The following SAV1 variants were observed in gnomAD, a reference collection of about 807,000 sequenced individuals.
SAV1 encodes salvador family WW domain containing protein 1, also known as protein salvador homolog 1.
SAV1 carries 23 observed loss-of-function variants against 47.3 expected under a neutral mutation model. That is an observed-to-expected ratio of 0.49 (90% confidence interval 0.35 to 0.69). The LOEUF (loss-of-function observed/expected upper bound fraction) is 0.69, where lower values mean the gene tolerates loss of function less well. Ranked by LOEUF, SAV1 falls within the 30% of genes least tolerant of loss-of-function variation. The probability of loss-of-function intolerance (pLI) is 0.01; values close to 1 mark genes in which losing one functional copy is unlikely to be tolerated. For synonymous variants in SAV1, 155 were observed against 159.2 expected (o/e 0.97, Z 0.20); for missense variants, 448 against 457.4 (o/e 0.98, Z 0.19).
In SAV1 at chr14:50,665,598, C is replaced by T. The variant is rs1191145054; in HGVS notation, c.116G>A (p.Arg39Gln). 2.5e-6 allele frequency: 4 copies of T among 1,608,642 alleles called. No individual in the cohort carries two copies. Among genetic ancestry groups the T allele is most frequent in the East Asian group, 2.2e-5 (1 of 44,808 alleles). The change falls in exon 2 of 5, where the codon CGG becomes CAG. Residue 39 changes from arginine (R) to glutamine (Q), a missense_variant. By Grantham distance (43) the Arg-to-Gln change is conservative. Transcript: ENST00000324679. ...LLRNLMPSFI[R>Q]HGPTIPRRTD... The stretch of plus-strand genomic sequence containing the variant: ...TCGTCTTGGAATTGTTGGACCATGC[C>T]GGATGAATGAAGGCATAAGATCTAC...
intron 2 of SAV1, among the ~76,000 whole-genome samples, chr14:50,651,828 A>G (rs993936398): frequency 6.6e-6 from 1 of 152,230 alleles, no homozygotes; most frequent in East Asian, 1.9e-4. Context: ...ACAGGGTCTC[A>G]CTATGTTGCC....
intron 2 of SAV1, among the ~76,000 whole-genome samples, chr14:50,650,196 C>G (rs1164219469): frequency 6.6e-6 from 1 of 152,170 alleles, no homozygotes; most frequent in East Asian, 1.9e-4. Flanking sequence ...ATACAACATA[C>G]AATGCATATG....
chr14:50,667,354 G>A (rs1447125254), intron 1 of SAV1: 6 of 451,738 alleles, frequency 1.3e-5, no homozygotes, highest in Non-Finnish European at 2.7e-5. Context: ...TTGGGTGGCG[G>A]CTACAAGAAC....
intron 4 of SAV1, among the ~76,000 whole-genome samples, chr14:50,635,811 G>A (rs557145450): frequency 3.3e-5 from 5 of 152,298 alleles, no homozygotes; most frequent in Non-Finnish European, 7.3e-5. Context: ...CCGGGTTCAA[G>A]CAATTCTCCT....
intron 2 of SAV1, among the ~76,000 whole-genome samples, chr14:50,651,908 A>G (rs1242987286): frequency 6.6e-6 from 1 of 152,230 alleles, no homozygotes; most frequent in East Asian, 1.9e-4. Context: ...CTAGGATTAC[A>G]GGCATGCGCC....
rs779841279 is a variant in SAV1, at chr14:50,668,065, C to T, written c.-98G>A. ...CCGCCACCTCCGCCGGCGCCGCCGC[C>T]TCCTTCCCTCCCGAGCCGCCGCCTC... On this transcript the variant is annotated 5_prime_UTR_variant, in exon 1 of 5. Coordinates refer to ENST00000324679, the MANE Select transcript of SAV1 (RefSeq NM_021818.4). 20 of 819,198 alleles carry T rather than the reference C, an allele frequency of 2.4e-5. No homozygotes were observed. The highest frequency in any genetic ancestry group is 3.3e-5 in the Non-Finnish European group (20 of 599,912). The allele number at this position is 819,198 out of a possible 1,614,324, so 50.7% of individuals were successfully genotyped here.
chr14:50,659,188 G>T (rs1248257981), intron 2 of SAV1, among the ~76,000 whole-genome samples: 1 of 151,044 alleles, frequency 6.6e-6, no homozygotes, highest in Admixed American at 6.6e-5. Context: ...CCTGGGATGA[G>T]ACTTCGAAGG....
chr14:50,668,262 CCAG>C lies in SAV1; in HGVS notation c.-298_-296del. On this transcript the variant is annotated 5_prime_UTR_variant, in exon 1 of 5. Transcript: ENST00000324679. ...AAAGCCCAGCGACGCCGGGCCAGGG[CCAG>C]GGCCATGGTCCGCCGCGGGCCGCCG... 1 of 190,860 alleles carries C rather than the reference CCAG, an allele frequency of 5.2e-6. No individual in the cohort carries two copies. Among genetic ancestry groups the C allele is most frequent in the Non-Finnish European group, 1.1e-5 (1 of 93,910 alleles). The allele number at this position is 190,860 out of a possible 1,614,324, so 11.8% of individuals were successfully genotyped here.
At chr14:50,666,494 A>G (rs570315966) in intron 1 of SAV1, among the ~76,000 whole-genome samples, 26 of 152,318 alleles carry the variant, frequency 1.7e-4, no homozygotes, top group Admixed American at 3.3e-4. Context: ...TAAGCTTCAG[A>G]AACTAACACT....
At chr14:50,667,525 T>A (rs1326843682) in intron 1 of SAV1, 2 of 478,192 alleles carry the variant, frequency 4.2e-6, no homozygotes, top group Admixed American at 4.7e-5. Context: ...AGTGTCCCTG[T>A]CTAATTACTT....
intron 2 of SAV1, among the ~76,000 whole-genome samples, chr14:50,653,618 C>G (rs1471559276): frequency 7.9e-5 from 12 of 152,148 alleles, no homozygotes; most frequent in Admixed American, 3.9e-4. Flanking sequence ...CACCTGTAAT[C>G]CCAGCACTTT....
chr14:50,660,374 C>T (rs1303444986), intron 2 of SAV1, among the ~76,000 whole-genome samples: 2 of 152,170 alleles, frequency 1.3e-5, no homozygotes, highest in Non-Finnish European at 2.9e-5. Flanking sequence ...TACTCAGCTG[C>T]CTTGCAATAA....
At position 50,645,571 on chromosome 14, in the gene SAV1, T is replaced by TA. The variant is rs578119398; in HGVS notation, c.536-558dup. Reference sequence around the variant, plus strand: ...TTATGTACATACAAATATTCCAAAATAAAAAAAAAAATCCAAAATCTCAAA... The same window carrying TA: ...TTATGTACATACAAATATTCCAAAATAAAAAAAAAAAATCCAAAATCTCAAA... On this transcript the variant is annotated intron_variant, in intron 2 of 4. Transcript: ENST00000324679. 2.3e-3 allele frequency among the ~76,000 whole-genome samples: 340 copies of TA among 146,028 alleles called. 1 individual carries two copies. Among genetic ancestry groups the TA allele is most frequent in the African/African-American group, 6.4e-3 (255 of 39,974 alleles).
At chr14:50,667,838 T>A in intron 1 of SAV1, 36 bp downstream of exon 1, 1 of 1,573,428 alleles carries the variant, frequency 6.4e-7, no homozygotes, top group Non-Finnish European at 8.7e-7. Flanking sequence ...CCTGGCCGCC[T>A]GGGCCAGGTG....
intron 4 of SAV1, among the ~76,000 whole-genome samples, chr14:50,638,719 A>T (rs2039657540): frequency 6.6e-6 from 1 of 152,318 alleles, no homozygotes; most frequent in South Asian, 2.1e-4. Flanking sequence ...AATAACAGAA[A>T]GTAAATATGT....
At chr14:50,659,719 G>A (rs888160420) in intron 2 of SAV1, among the ~76,000 whole-genome samples, 4 of 152,172 alleles carry the variant, frequency 2.6e-5, no homozygotes, top group Admixed American at 2.0e-4. Flanking sequence ...GGTGGTGCAT[G>A]CCTGTAGTCC....
At chr14:50,643,635 T>C (rs2039698549) in intron 3 of SAV1, among the ~76,000 whole-genome samples, 1 of 152,242 alleles carries the variant, frequency 6.6e-6, no homozygotes. Context: ...TCTGGTTATC[T>C]GGACTGCAAC....
In SAV1 at chr14:50,658,433, G is replaced by A. The variant is rs188574871; in HGVS notation, c.535+6746C>T. Among the ~76,000 whole-genome samples the A allele has an allele frequency of 1.4e-3, 219 of 152,176 alleles. 5 individuals carry two copies. In the South Asian group the frequency reaches 0.042, roughly 29 times the overall value. ...TACAGTAAGTGCGTGACTGGTATGC[G>A]GCCAAGAACATTAAAGGTCAAATTT... On this transcript the variant is annotated intron_variant, in intron 2 of 4. Transcript: ENST00000324679.
At chr14:50,637,739 C>G (rs2140247176) in intron 4 of SAV1, 1 of 144,244 alleles carries the variant, frequency 6.9e-6, no homozygotes, top group Admixed American at 7.1e-5. Context: ...AGTGGCTAAT[C>G]ACAAGCACAA....
Sources: gnomAD v4.1 joint callset for allele counts (sites outside exome capture counted in the v4.1 genomes callset) on GRCh38, gnomAD v4.1.1 for gene constraint, MANE v1.5 for transcripts, NCBI Gene and HGNC (gene_info 2026-07-23, HGNC 2026-07-21) for gene names.